Variants in CXADR observed in about 807,000 individuals in gnomAD.
CXADR encodes coxsackievirus and adenovirus receptor.
Under a neutral mutation model 40.3 loss-of-function variants are expected in CXADR, and 20 were observed. That is an observed-to-expected ratio of 0.50 (90% CI 0.35 to 0.72). The LOEUF (loss-of-function observed/expected upper bound fraction) is 0.72. Among genes scored for constraint, CXADR ranks in the 30% least tolerant of loss-of-function variants. The probability of loss-of-function intolerance (pLI) is 0.01; values close to 1 mark genes in which losing one functional copy is unlikely to be tolerated. For missense variants in CXADR, 332 were observed against 449.1 expected (o/e 0.74, Z 2.36); for synonymous variants, 150 against 161.3 (o/e 0.93, Z 0.53).
Position 17,592,872 on chromosome 21 carries a change from C to CTGACT in CXADR, c.1018-276_1018-275insTTGAC, listed in dbSNP as rs146617498. ...TTTCTGAAGTTGCAAACTTTAAAAACTGACATTTTCATACTATTGAGCTAT... is the reference window on the plus strand; with the variant it reads ...TTTCTGAAGTTGCAAACTTTAAAAACTGACTTGACATTTTCATACTATTGAGCTAT... On this transcript the variant is annotated intron_variant, in intron 7 of 7. Transcript: ENST00000400169. Among the ~76,000 whole-genome samples the CTGACT allele has an allele frequency of 4.2e-4, 42 of 100,774 alleles. 1 individual carries two copies. Among genetic ancestry groups the CTGACT allele is most frequent in the Admixed American group, 3.7e-3 (42 of 11,366 alleles). 66.1% of individuals were successfully genotyped at this position (100,774 alleles called of 152,430 possible).
At chr21:17,516,281 A>G (rs1051161908) in intron 1 of CXADR, among the ~76,000 whole-genome samples, 3 of 152,238 alleles carry the variant, frequency 2.0e-5, no homozygotes, top group African/African-American at 7.2e-5. Context: ...TTCTCATCAC[A>G]CTATGCTCTT....
chr21:17,629,465 T>C, the CXADR span, among the ~76,000 whole-genome samples: 8 of 151,766 alleles, frequency 5.3e-5, no homozygotes, highest in Non-Finnish European at 8.8e-5. Flanking sequence ...CTTAGGAGGC[T>C]GATGTCGGAG....
At chr21:17,530,957 T>C (rs1265151339) in intron 1 of CXADR, among the ~76,000 whole-genome samples, 2 of 152,192 alleles carry the variant, frequency 1.3e-5, no homozygotes, top group African/African-American at 4.8e-5. Flanking sequence ...TGCCAGTTAG[T>C]TTTCCAAAGC....
In CXADR at chr21:17,530,484, G is replaced by A; in HGVS notation, c.44-16543G>A. On this transcript the variant is annotated intron_variant, in intron 1 of 6. Coordinates refer to ENST00000284878, the MANE Select transcript of CXADR (RefSeq NM_001338.5). ...CAATTGATTTATTTATTCTACTGATGGACCCTTTTTCCCAGCTTTTTTGCC... is the reference window on the plus strand; with the variant it reads ...CAATTGATTTATTTATTCTACTGATAGACCCTTTTTCCCAGCTTTTTTGCC... 4.5e-6 allele frequency: 2 copies of A among 447,464 alleles called. 1 individual carries two copies. Among genetic ancestry groups the A allele is most frequent in the South Asian group, 3.2e-5 (2 of 62,200 alleles). The allele number at this position is 447,464 out of a possible 1,614,324, so 27.7% of individuals were successfully genotyped here. A position where few individuals can be genotyped will look rare whatever the true frequency, so the allele number is the denominator to read the frequency against.
chr21:17,570,933 A>G (rs1163560661), downstream of CXADR, among the ~76,000 whole-genome samples: 1 of 152,188 alleles, frequency 6.6e-6, no homozygotes, highest in Non-Finnish European at 1.5e-5. Context: ...TCTTTGTCGT[A>G]GGGGACTGTC....
intron 7 of CXADR, among the ~76,000 whole-genome samples, chr21:17,579,702 G>A (rs1338557081): frequency 6.6e-6 from 1 of 152,180 alleles, no homozygotes. Flanking sequence ...ATGAAGAATG[G>A]GAGAGAGAAG....
At chr21:17,604,500 G>A in the CXADR span, among the ~76,000 whole-genome samples, 2 of 152,092 alleles carry the variant, frequency 1.3e-5, no homozygotes, top group Non-Finnish European at 2.9e-5. Flanking sequence ...ACCAAAAGTG[G>A]TTATCCAGTA....
chr21:17,554,819 TTGAC>T (rs149855635), intron 3 of CXADR, among the ~76,000 whole-genome samples: 7,412 of 152,252 alleles, frequency 0.049, 578 homozygotes, highest in African/African-American at 0.17. Context: ...GCTCATTTGA[TTGAC>T]TGATAGTGGC....
rs2061243746 is a variant in CXADR, at chr21:17,568,518, T to C, written c.*2826T>C. ...CATCTCTTTAGGTTACAGAGGATAA[T>C]TTGAAGAGAAATGTTACTGTAGAAT... On this transcript the variant is annotated 3_prime_UTR_variant, in exon 7 of 7. Coordinates refer to ENST00000284878, the MANE Select transcript of CXADR (RefSeq NM_001338.5). The C allele has an allele frequency of 7.1e-6, 7 of 983,572 alleles. No homozygotes were observed. The highest frequency in any genetic ancestry group is 8.4e-6 in the Non-Finnish European group (7 of 828,750). The allele number at this position is 983,572 out of a possible 1,614,324, so 60.9% of individuals were successfully genotyped here. A position where few individuals can be genotyped will look rare whatever the true frequency, so the allele number is the denominator to read the frequency against.
chr21:17,530,286 C>T, intron 1 of CXADR: 4 of 351,934 alleles, frequency 1.1e-5, no homozygotes, highest in Admixed American at 7.1e-5. Flanking sequence ...TTTTTCCACT[C>T]TTTTCTGATT....
chr21:17,518,433 A>G (rs1459950855), intron 1 of CXADR: 4 of 673,336 alleles, frequency 5.9e-6, no homozygotes, highest in Admixed American at 2.4e-5. Flanking sequence ...TTAGTGAACT[A>G]GTAACAGGTG....
chr21:17,558,765 C>T (rs1421556811), intron 3 of CXADR, among the ~76,000 whole-genome samples: 10 of 152,140 alleles, frequency 6.6e-5, no homozygotes, highest in Non-Finnish European at 1.3e-4. Context: ...TCTACTAATG[C>T]AGTGGCTGCT....
intron 1 of CXADR, among the ~76,000 whole-genome samples, chr21:17,534,100 A>ATATATATTT (rs1179683085): frequency 5.0e-5 from 3 of 60,068 alleles, no homozygotes; most frequent in East Asian, 5.9e-4. Flanking sequence ...ATATATATAT[A>ATATATATTT]TTTTTTTTTT....
intron 7 of CXADR, among the ~76,000 whole-genome samples, chr21:17,589,545 T>C (rs1446201397): frequency 6.6e-6 from 1 of 151,872 alleles, no homozygotes; most frequent in East Asian, 1.9e-4. Flanking sequence ...AACAATTTTT[T>C]GCCCCCAGAC....
At chr21:17,524,172 G>A (rs146430426) in intron 1 of CXADR, among the ~76,000 whole-genome samples, 4 of 151,536 alleles carry the variant, frequency 2.6e-5, no homozygotes, top group African/African-American at 9.7e-5. Context: ...GGGATTACAC[G>A]TGTGAGCCAC....
At chr21:17,608,460 T>A in the CXADR span, among the ~76,000 whole-genome samples, 1 of 151,816 alleles carries the variant, frequency 6.6e-6, no homozygotes, top group Non-Finnish European at 1.5e-5. Flanking sequence ...ATCTAGAAAA[T>A]AGTTACACTG....
intron 4 of CXADR, among the ~76,000 whole-genome samples, chr21:17,559,872 T>C (rs1201560247): frequency 6.6e-6 from 1 of 151,388 alleles, no homozygotes; most frequent in African/African-American, 2.4e-5. Flanking sequence ...AGACATGGAG[T>C]TTCTGCATGT....
chr21:17,560,059 G>A (rs2061093854), intron 4 of CXADR, among the ~76,000 whole-genome samples: 1 of 151,720 alleles, frequency 6.6e-6, no homozygotes, highest in Admixed American at 6.6e-5. Flanking sequence ...TTAGTGTTTT[G>A]CCTAGATTGA....
chr21:17,591,105 G>C (rs1408625757), intron 7 of CXADR, among the ~76,000 whole-genome samples: 1 of 151,912 alleles, frequency 6.6e-6, no homozygotes, highest in Admixed American at 6.6e-5. Context: ...CAAGTTTCAA[G>C]ATTTGGTAGA....
Sources: allele counts gnomAD v4.1 joint callset (sites outside exome capture counted in the v4.1 genomes callset), GRCh38; gene constraint gnomAD v4.1.1; transcripts MANE v1.5; gene names NCBI Gene and HGNC (gene_info 2026-07-23, HGNC 2026-07-21).